The following TLL2 variants were observed in gnomAD, a reference collection of about 807,000 sequenced individuals.
The protein encoded by TLL2 is tolloid like 2.
A neutral mutation model predicts 123.0 loss-of-function variants in TLL2; 106 were observed. That is an observed-to-expected ratio of 0.86 (90% CI 0.74 to 1.01). TLL2 has a LOEUF of 1.01. Among genes scored for constraint, TLL2 ranks in the 50% least tolerant of loss-of-function variants. TLL2 has a pLI of 0.00. For synonymous variants in TLL2, 494 were observed against 516.8 expected, an observed-to-expected ratio of 0.96 and a Z score of 0.60; for missense variants, 1,332 against 1,336.7, an observed-to-expected ratio of 1.00 and a Z score of 0.06.
At chr10:96,476,234 A>ATTT (rs1232966569) in intron 2 of TLL2, among the ~76,000 whole-genome samples, 2 of 21,524 alleles carry the variant, frequency 9.3e-5, no homozygotes, top group African/African-American at 3.6e-4. Flanking sequence ...ATATATATAT[A>ATTT]TATATATTTT....
chr10:96,493,011 C>A (rs559949110), intron 1 of TLL2, among the ~76,000 whole-genome samples: 1 of 152,296 alleles, frequency 6.6e-6, no homozygotes, highest in South Asian at 2.1e-4. Context: ...ACACCAATCT[C>A]TATTTCTTCC....
Position 96,395,975 on chromosome 10 carries a change from G to T in TLL2, c.1430C>A (p.Ser477Tyr), listed in dbSNP as rs542374653. 97 of 1,614,214 alleles carry T rather than the reference G, an allele frequency of 6.0e-5. No homozygotes were observed. The highest frequency in any genetic ancestry group is 3.5e-4 in the Admixed American group (21 of 60,026). The change falls in exon 12 of 21, where the codon TCT (serine) becomes TAT (tyrosine). Residue 477 changes from serine to tyrosine, a missense_variant. Ser to Tyr is a moderately radical substitution (Grantham distance 144). Transcript: ENST00000357947. ...DMNKDAGQIQ[S>Y]PNYPDDYRPS... Reference sequence around the variant, plus strand: ...TCTGTAGTCATCCGGATAGTTGGGAGATTGAATCTGACCGGCATCTTTGTT... The same window carrying T: ...TCTGTAGTCATCCGGATAGTTGGGATATTGAATCTGACCGGCATCTTTGTT...
At chr10:96,402,664 C>T (rs148938656) in intron 10 of TLL2, among the ~76,000 whole-genome samples, 2,128 of 152,308 alleles carry the variant, frequency 0.014, 20 homozygotes, top group Non-Finnish European at 0.019. Context: ...TGCTCCTGTC[C>T]GTACTTGGCC....
At chr10:96,374,071 G>A in intron 18 of TLL2, 2 of 467,794 alleles carry the variant, frequency 4.3e-6, no homozygotes, top group Non-Finnish European at 7.8e-6. Flanking sequence ...AGATGAGAGA[G>A]CAGGGGTTCA....
At chr10:96,418,823 A>G (rs1170557322) in intron 7 of TLL2, among the ~76,000 whole-genome samples, 2 of 148,202 alleles carry the variant, frequency 1.3e-5, no homozygotes, top group African/African-American at 4.9e-5. Flanking sequence ...TGAATATATA[A>G]ATTGAATATA....
chr10:96,401,837 G>C (rs969021184), intron 10 of TLL2, among the ~76,000 whole-genome samples: 30 of 152,302 alleles, frequency 2.0e-4, no homozygotes, highest in Non-Finnish European at 1.2e-4. Context: ...CTGGGAGGTG[G>C]GGGTAGAGAG....
chr10:96,456,384 G>A (rs10882791), intron 2 of TLL2, among the ~76,000 whole-genome samples: 53,010 of 151,960 alleles, frequency 0.35, 9,655 homozygotes, highest in Middle Eastern at 0.52. Flanking sequence ...ACAGGGGCAG[G>A]GCCTCTGAGG....
At chr10:96,428,099 T>C (rs2134078701) in intron 5 of TLL2, among the ~76,000 whole-genome samples, 1 of 152,300 alleles carries the variant, frequency 6.6e-6, no homozygotes, top group East Asian at 1.9e-4. Context: ...CTGGCCGGGT[T>C]TGGGTTTTTG....
chr10:96,440,139 C>T lies in TLL2; in HGVS notation c.364+5952G>A, dbSNP rs150052768. ...TTTTAGATGACCTACCTGCCCTCTACGGAAGATATTCTAATTTGCTATTCC... is the reference window on the plus strand; with the variant it reads ...TTTTAGATGACCTACCTGCCCTCTATGGAAGATATTCTAATTTGCTATTCC... On this transcript the variant is annotated intron_variant, in intron 3 of 20. Coordinates refer to ENST00000357947, the MANE Select transcript of TLL2 (RefSeq NM_012465.4). 1.6e-3 allele frequency among the ~76,000 whole-genome samples: 247 copies of T among 152,234 alleles called. 1 individual carries two copies. Among genetic ancestry groups the T allele is most frequent in the Middle Eastern group, 6.8e-3 (2 of 294 alleles).
At chr10:96,390,335 G>A (rs898946061) in intron 13 of TLL2, among the ~76,000 whole-genome samples, 1 of 152,234 alleles carries the variant, frequency 6.6e-6, no homozygotes, top group Non-Finnish European at 1.5e-5. Context: ...ACTGGGATAG[G>A]GGGATGGAGG....
chr10:96,442,529 A>C (rs907412356), intron 3 of TLL2, among the ~76,000 whole-genome samples: 3 of 152,186 alleles, frequency 2.0e-5, no homozygotes, highest in African/African-American at 7.2e-5. Context: ...ACTGCCCTGG[A>C]TGCTTAAAGA....
chr10:96,397,413 ACCCTG>A, intron 10 of TLL2, 111 bp from the exon 11 acceptor site: 1 of 709,446 alleles, frequency 1.4e-6, no homozygotes, highest in Non-Finnish European at 2.3e-6. Flanking sequence ...GTGAGCAATA[ACCCTG>A]GCTGGGACAA....
chr10:96,432,306 A>G (rs569655325), intron 4 of TLL2, among the ~76,000 whole-genome samples: 1 of 152,242 alleles, frequency 6.6e-6, no homozygotes, highest in South Asian at 2.1e-4. Flanking sequence ...TAATTTCCCC[A>G]GGGCATTTTG....
rs1846062369 is a variant in TLL2 at position 96,369,948 on chromosome 10, C to T, written c.2913+117G>A. ...TCCGCTTCTGCAGAACGTGCCTCCT[C>T]GCCGTTGCTCCTAAGTGGAGTAGGT... On this transcript the variant is annotated intron_variant, in intron 20 of 20. Coordinates refer to ENST00000357947, the MANE Select transcript of TLL2 (RefSeq NM_012465.4). 3.6e-6 allele frequency: 5 copies of T among 1,397,438 alleles called. No individual in the cohort carries two copies. The East Asian group carries it at 7.5e-5, about 21-fold the overall frequency. 86.6% of individuals were successfully genotyped at this position (1,397,438 alleles called of 1,614,324 possible).
intron 2 of TLL2, among the ~76,000 whole-genome samples, chr10:96,478,078 G>T (rs899779337): frequency 4.6e-5 from 7 of 152,234 alleles, no homozygotes; most frequent in African/African-American, 1.7e-4. Flanking sequence ...AGAAGGCAGG[G>T]CTGCTGGGCT....
chr10:96,445,569 T>C (rs1307715944), intron 3 of TLL2, among the ~76,000 whole-genome samples: 4 of 152,174 alleles, frequency 2.6e-5, no homozygotes, highest in Non-Finnish European at 5.9e-5. Context: ...TTATTTTTCT[T>C]CTTTGCCTCC....
At chr10:96,495,415 A>G (rs1157801188) in intron 1 of TLL2, among the ~76,000 whole-genome samples, 2 of 152,202 alleles carry the variant, frequency 1.3e-5, no homozygotes, top group Non-Finnish European at 2.9e-5. Context: ...TAAAAAGTTA[A>G]TCGGCTTAAA....
intron 16 of TLL2, among the ~76,000 whole-genome samples, chr10:96,382,478 A>G (rs1433467427): frequency 6.6e-6 from 1 of 152,254 alleles, no homozygotes; most frequent in Non-Finnish European, 1.5e-5. Context: ...TGCTATGGGA[A>G]CACTGGTAAA....
intron 2 of TLL2, among the ~76,000 whole-genome samples, chr10:96,451,582 C>T (rs1175954116): frequency 6.6e-6 from 1 of 152,208 alleles, no homozygotes; most frequent in Non-Finnish European, 1.5e-5. Flanking sequence ...ACTAACATTA[C>T]TTGGTCCTTG....
Sources: allele counts gnomAD v4.1 joint callset (sites outside exome capture counted in the v4.1 genomes callset), GRCh38; gene constraint gnomAD v4.1.1; transcripts MANE v1.5; gene names NCBI Gene and HGNC (gene_info 2026-07-23, HGNC 2026-07-21).